The following ZNF382 variants were observed in gnomAD, a reference collection of about 807,000 sequenced individuals.
ZNF382 encodes the protein KRAB/zinc finger suppressor protein 1.
Under a neutral mutation model 38.8 loss-of-function variants are expected in ZNF382, and 20 were observed. That is an observed-to-expected ratio of 0.51 (90% confidence interval 0.36 to 0.75). The LOEUF (loss-of-function observed/expected upper bound fraction) is 0.75. ZNF382 is among the 30% of genes least tolerant of loss of function. ZNF382 has a pLI of 0.00. For missense variants in ZNF382, 546 were observed against 654.1 expected, an observed-to-expected ratio of 0.83 and a Z score of 1.80; for synonymous variants, 202 against 223.1, an observed-to-expected ratio of 0.91 and a Z score of 0.84.
chr19:36,611,932 C>G (rs2037080822), intron 4 of ZNF382, among the ~76,000 whole-genome samples: 1 of 152,164 alleles, frequency 6.6e-6, no homozygotes, highest in Non-Finnish European at 1.5e-5. Context: ...TATCACTCCC[C>G]ATGTAAATCT....
At chr19:36,612,999 G>A (rs2037091179) in intron 4 of ZNF382, among the ~76,000 whole-genome samples, 1 of 152,004 alleles carries the variant, frequency 6.6e-6, no homozygotes, top group Non-Finnish European at 1.5e-5. Flanking sequence ...CATCATTTTG[G>A]CCAGGCTGGT....
chr19:36,630,141 A>T lies in ZNF382; in HGVS notation c.*2591A>T, dbSNP rs892015984. On this transcript the variant is annotated 3_prime_UTR_variant, in exon 5 of 5. Transcript: ENST00000292928. ...ATTCTTTCTCATTTTCTGGCAGTAA[A>T]TCATATTCATCATATACTTCCCAAT... The T allele has an allele frequency of 6.6e-6, 1 of 152,108 alleles. No individual in the cohort carries two copies. The highest frequency in any genetic ancestry group is 1.5e-5 in the Non-Finnish European group (1 of 68,022). The allele number at this position is 152,108 out of a possible 1,614,324, so 9.4% of individuals were successfully genotyped here.
chr19:36,630,529 C>T lies in ZNF382; in HGVS notation c.*2979C>T, dbSNP rs2037247898. ...TGTATTTTTAGTAGAGACGGGGTTTCATCATGTTGGCCAGGCTGGTCTCCA... is the reference window on the plus strand; with the variant it reads ...TGTATTTTTAGTAGAGACGGGGTTTTATCATGTTGGCCAGGCTGGTCTCCA... On this transcript the variant is annotated 3_prime_UTR_variant, in exon 5 of 5. Coordinates refer to ENST00000292928, the MANE Select transcript of ZNF382 (RefSeq NM_032825.5). 6.6e-6 allele frequency: 1 copy of T among 151,354 alleles called. No individual in the cohort carries two copies. The highest frequency in any genetic ancestry group is 1.5e-5 in the Non-Finnish European group (1 of 67,844). 9.4% of individuals were successfully genotyped at this position (151,354 alleles called of 1,614,324 possible). A position where few individuals can be genotyped will look rare whatever the true frequency, so the allele number is the denominator to read the frequency against.
chr19:36,629,643 A>G lies in ZNF382; in HGVS notation c.*2093A>G, dbSNP rs1488952508. ...TAGTATCTGTTAATATATAATAAAAATAAAGGTATAAGCCTGGGCTTGGTG... is the reference window on the plus strand; with the variant it reads ...TAGTATCTGTTAATATATAATAAAAGTAAAGGTATAAGCCTGGGCTTGGTG... On this transcript the variant is annotated 3_prime_UTR_variant, in exon 5 of 5. Coordinates refer to ENST00000292928, the MANE Select transcript of ZNF382 (RefSeq NM_032825.5). The G allele has an allele frequency of 1.3e-5, 2 of 152,222 alleles. No homozygotes were observed. The highest frequency in any genetic ancestry group is 2.9e-5 in the Non-Finnish European group (2 of 68,048). 9.4% of individuals were successfully genotyped at this position (152,222 alleles called of 1,614,324 possible). A position where few individuals can be genotyped will look rare whatever the true frequency, so the allele number is the denominator to read the frequency against.
chr19:36,615,868 G>A (rs2037122182), intron 4 of ZNF382, among the ~76,000 whole-genome samples: 1 of 151,914 alleles, frequency 6.6e-6, no homozygotes, highest in South Asian at 2.1e-4. Flanking sequence ...GACTAGTAAA[G>A]CCAAGTAGAA....
intron 4 of ZNF382, among the ~76,000 whole-genome samples, chr19:36,619,511 C>A (rs909891646): frequency 1.7e-4 from 26 of 152,146 alleles, no homozygotes; most frequent in African/African-American, 6.3e-4. Context: ...GAGGATTCTG[C>A]AGCTGGGTGT....
chr19:36,632,296 C>T lies in ZNF382; in HGVS notation c.*4746C>T, dbSNP rs879823988. 3.9e-5 allele frequency: 6 copies of T among 152,320 alleles called. No homozygotes were observed. The highest frequency in any genetic ancestry group is 8.8e-5 in the Non-Finnish European group (6 of 68,142). 9.4% of individuals were successfully genotyped at this position (152,320 alleles called of 1,614,324 possible). ...CTCCGCCTCCCAGGTTCAAGCAAGTCTCCTGCCACAGCCTCCCTAAGTATC... is the reference window on the plus strand; with the variant it reads ...CTCCGCCTCCCAGGTTCAAGCAAGTTTCCTGCCACAGCCTCCCTAAGTATC... On this transcript the variant is annotated 3_prime_UTR_variant, in exon 5 of 5. Coordinates refer to ENST00000292928, the MANE Select transcript of ZNF382 (RefSeq NM_032825.5).
rs1329726370 is a variant in ZNF382, at chr19:36,627,507, T to C, written c.1610T>C (p.Val537Ala). Residue 537 changes from valine to alanine, a missense_variant, in exon 5 of 5, where the codon GTC becomes GCC. Transcript: ENST00000292928. ...TTCAGTTGTAAGTCAAACCTCATTG[T>C]CCATCAGAAAACTCACAAGGTAGAA... ...KFFSCKSNLI[V>A]HQKTHKVETT... 4 of 1,612,758 alleles carry C rather than the reference T, an allele frequency of 2.5e-6. No individual in the cohort carries two copies. In the African/African-American group the frequency reaches 5.3e-5, roughly 22 times the overall value.
In ZNF382 at chr19:36,614,952, T is replaced by C. The variant is rs12974130; in HGVS notation, c.232+4210T>C. Among the ~76,000 whole-genome samples the C allele has an allele frequency of 4.8e-3, 663 of 139,144 alleles. 18 individuals carry two copies. The highest frequency in any genetic ancestry group is 0.032 in the Admixed American group (440 of 13,566). The allele number at this position is 139,144 out of a possible 152,430, so 91.3% of individuals were successfully genotyped here. A position where few individuals can be genotyped will look rare whatever the true frequency, so the allele number is the denominator to read the frequency against. On this transcript the variant is annotated intron_variant, in intron 4 of 4. Coordinates refer to ENST00000292928, the MANE Select transcript of ZNF382 (RefSeq NM_032825.5). ...TTCCCTTTCCCTTTCCCTTTCCCTT[T>C]CCCTTCCTTTCCTTTCCTTTCCTTT... is the stretch of plus-strand genomic sequence containing the variant.
chr19:36,614,239 C>T (rs1568628378), intron 4 of ZNF382, among the ~76,000 whole-genome samples: 1 of 152,134 alleles, frequency 6.6e-6, no homozygotes, highest in Non-Finnish European at 1.5e-5. Context: ...ACTCGGGAGG[C>T]TGAGGCAGGA....
At chr19:36,615,834 A>G (rs1379309866) in intron 4 of ZNF382, among the ~76,000 whole-genome samples, 1 of 152,186 alleles carries the variant, frequency 6.6e-6, no homozygotes, top group Non-Finnish European at 1.5e-5. Flanking sequence ...TTTTAAACAT[A>G]GTAAATATAA....
At chr19:36,621,591 T>TAC (rs34609656) in intron 4 of ZNF382, among the ~76,000 whole-genome samples, 14,319 of 145,196 alleles carry the variant, frequency 0.099, 720 homozygotes, top group African/African-American at 0.12. Flanking sequence ...TAGAAAAAAA[T>TAC]ACACACACAC....
chr19:36,630,294 G>C lies in ZNF382; in HGVS notation c.*2744G>C, dbSNP rs1370028349. On this transcript the variant is annotated 3_prime_UTR_variant, in exon 5 of 5. Coordinates refer to ENST00000292928, the MANE Select transcript of ZNF382 (RefSeq NM_032825.5). Reference sequence around the variant, plus strand: ...GAGAAATCAAGGTATGGAATCTAATGAATGTCCGTGAAGGAGGTACTTTTG... The same window carrying C: ...GAGAAATCAAGGTATGGAATCTAATCAATGTCCGTGAAGGAGGTACTTTTG... 6.6e-6 allele frequency: 1 copy of C among 151,962 alleles called. No individual in the cohort carries two copies. Among genetic ancestry groups the C allele is most frequent in the Non-Finnish European group, 1.5e-5 (1 of 68,000 alleles). 9.4% of individuals were successfully genotyped at this position (151,962 alleles called of 1,614,324 possible). A position where few individuals can be genotyped will look rare whatever the true frequency, so the allele number is the denominator to read the frequency against.
chr19:36,622,780 A>C (rs1326716708), intron 4 of ZNF382, among the ~76,000 whole-genome samples: 3 of 152,154 alleles, frequency 2.0e-5, no homozygotes, highest in Non-Finnish European at 4.4e-5. Context: ...AGGCCTTAAA[A>C]ATTACCACCC....
chr19:36,610,828 G>A, intron 4 of ZNF382, 86 bp downstream of exon 4: 1 of 1,014,468 alleles, frequency 9.9e-7, no homozygotes, highest in Non-Finnish European at 1.5e-6. Context: ...TTTTGTTATT[G>A]TGGTAAAATA....
intron 4 of ZNF382, among the ~76,000 whole-genome samples, chr19:36,622,516 A>G (rs890162704): frequency 5.3e-5 from 8 of 152,160 alleles, no homozygotes; most frequent in Non-Finnish European, 7.3e-5. Flanking sequence ...TCCTGGCAAC[A>G]CTATGTGACG....
intron 4 of ZNF382, among the ~76,000 whole-genome samples, chr19:36,621,017 C>T (rs747799677): frequency 3.3e-5 from 5 of 152,082 alleles, no homozygotes; most frequent in African/African-American, 4.8e-5. Context: ...CCTTCGCCTC[C>T]GACAGTGCTG....
intron 1 of ZNF382, among the ~76,000 whole-genome samples, chr19:36,606,022 G>A (rs930307736): frequency 1.3e-5 from 2 of 152,110 alleles, no homozygotes; most frequent in African/African-American, 4.8e-5. Context: ...GTAACCTACT[G>A]TTACTTCTGG....
intron 4 of ZNF382, among the ~76,000 whole-genome samples, chr19:36,618,186 T>G (rs1042522911): frequency 1.4e-4 from 21 of 152,226 alleles, no homozygotes; most frequent in Admixed American, 1.4e-3. Context: ...CATGAATCCA[T>G]GCTGAACTAC....
Sources: gnomAD v4.1 joint callset for allele counts (sites outside exome capture counted in the v4.1 genomes callset) on GRCh38, gnomAD v4.1.1 for gene constraint, MANE v1.5 for transcripts, NCBI Gene and HGNC (gene_info 2026-07-23, HGNC 2026-07-21) for gene names.